The following CDH10 variants were observed in gnomAD, a reference collection of about 807,000 sequenced individuals.
The protein encoded by CDH10 is cadherin-10.
Under a neutral mutation model 73.1 loss-of-function variants are expected in CDH10, and 30 were observed. That is an observed-to-expected ratio of 0.41 (90% confidence interval 0.31 to 0.56). The LOEUF is 0.56. Among genes scored for constraint, CDH10 ranks in the 20% least tolerant of loss-of-function variants. CDH10 has a pLI of 0.27. For synonymous variants in CDH10, 345 were observed against 348.2 expected, an observed-to-expected ratio of 0.99 and a Z score of 0.10; for missense variants, 815 against 973.7, an observed-to-expected ratio of 0.84 and a Z score of 2.17.
chr5:24,622,865 G>A (rs183037038), intron 1 of CDH10, among the ~76,000 whole-genome samples: 115 of 152,094 alleles, frequency 7.6e-4, no homozygotes, highest in Non-Finnish European at 1.1e-3. Flanking sequence ...GTATCATTCC[G>A]TTTTGTAAAT....
At chr5:24,568,639 T>G (rs934212734) in intron 2 of CDH10, among the ~76,000 whole-genome samples, 8 of 152,244 alleles carry the variant, frequency 5.3e-5, no homozygotes, top group African/African-American at 1.9e-4. Flanking sequence ...GTAATTCCAC[T>G]TTTGGGTATA....
At chr5:24,637,485 A>T (rs1176437664) in intron 1 of CDH10, among the ~76,000 whole-genome samples, 1 of 152,048 alleles carries the variant, frequency 6.6e-6, no homozygotes, top group East Asian at 1.9e-4. Context: ...ATTATATTAC[A>T]TTTAATTATA....
intron 1 of CDH10, among the ~76,000 whole-genome samples, chr5:24,611,515 T>C (rs1746949960): frequency 6.6e-6 from 1 of 152,278 alleles, no homozygotes; most frequent in Non-Finnish European, 1.5e-5. Flanking sequence ...TTGTAAAATA[T>C]CGAAAAATAT....
chr5:24,532,610 A>G (rs1743789583), intron 5 of CDH10, among the ~76,000 whole-genome samples: 1 of 152,154 alleles, frequency 6.6e-6, no homozygotes, highest in East Asian at 1.9e-4. Flanking sequence ...ATGTAAGTTG[A>G]AAATACTTGA....
intron 1 of CDH10, among the ~76,000 whole-genome samples, chr5:24,624,519 T>C (rs902863897): frequency 3.3e-5 from 5 of 152,282 alleles, no homozygotes; most frequent in Admixed American, 2.6e-4. Context: ...AGTTTCCGTG[T>C]CAGAATATGA....
At chr5:24,588,199 A>C (rs1265322800) in intron 2 of CDH10, among the ~76,000 whole-genome samples, 1 of 152,198 alleles carries the variant, frequency 6.6e-6, no homozygotes, top group Non-Finnish European at 1.5e-5. Context: ...CATCAACCTG[A>C]TTAATGTTTT....
rs528683477 is a variant in CDH10, at chr5:24,608,533, C to T, written c.-123-14920G>A. On this transcript the variant is annotated intron_variant, in intron 1 of 11. Coordinates refer to ENST00000264463, the MANE Select transcript of CDH10 (RefSeq NM_006727.5). ...GTCTCAATCTCTTGACCTCATGATC[C>T]GCCCGTCTCGACCTCCCAAAGTGCC... 1.5e-4 allele frequency among the ~76,000 whole-genome samples: 23 copies of T among 152,158 alleles called. 1 individual carries two copies. The South Asian group carries it at 3.7e-3, about 25-fold the overall frequency.
At chr5:24,595,797 G>C (rs2112100946) in intron 1 of CDH10, among the ~76,000 whole-genome samples, 1 of 151,972 alleles carries the variant, frequency 6.6e-6, no homozygotes, top group East Asian at 1.9e-4. Context: ...ATGCATTGGT[G>C]ATCATTTTCA....
chr5:24,535,365 T>G (rs1477496988), intron 4 of CDH10, 86 bp from the exon 5 acceptor site: 15 of 1,293,196 alleles, frequency 1.2e-5, no homozygotes, highest in Non-Finnish European at 1.6e-5. Flanking sequence ...ATTTTTAAGC[T>G]AGTGATTTTT....
chr5:24,537,308 T>A, intron 3 of CDH10, 72 bp downstream of exon 3: 1 of 952,186 alleles, frequency 1.1e-6, no homozygotes, highest in South Asian at 1.6e-5. Flanking sequence ...TAATTGATTA[T>A]ACTATTATAA....
chr5:24,598,095 G>C (rs1746432445), intron 1 of CDH10, among the ~76,000 whole-genome samples: 2 of 151,882 alleles, frequency 1.3e-5, no homozygotes, highest in Non-Finnish European at 2.9e-5. Context: ...AAATTTTTCA[G>C]ATGTGTTTAT....
intron 1 of CDH10, among the ~76,000 whole-genome samples, chr5:24,605,153 C>T (rs182547097): frequency 8.5e-5 from 13 of 152,098 alleles, no homozygotes; most frequent in Admixed American, 5.2e-4. Flanking sequence ...AAATGAAGAC[C>T]GCAATGCACA....
rs563555960 is a variant in CDH10, at chr5:24,594,278, G to A, written c.-123-665C>T. Among the ~76,000 whole-genome samples, 20 of 152,018 alleles carry A rather than the reference G, an allele frequency of 1.3e-4. 1 individual carries two copies. The South Asian group carries it at 4.1e-3, about 31-fold the overall frequency. On this transcript the variant is annotated intron_variant, in intron 1 of 11. Coordinates refer to ENST00000264463, the MANE Select transcript of CDH10 (RefSeq NM_006727.5). ...TATAATTAAATCCAGCAGATAATCT[G>A]CTTCTAACTACCTCTACTGCCTGGT... is the stretch of plus-strand genomic sequence containing the variant.
chr5:24,549,352 T>C (rs907762391), intron 2 of CDH10, among the ~76,000 whole-genome samples: 3 of 151,938 alleles, frequency 2.0e-5, no homozygotes, highest in Admixed American at 1.3e-4. Context: ...ACACATTCAA[T>C]AAAATGGAAG....
At chr5:24,634,677 A>G (rs1016769516) in intron 1 of CDH10, among the ~76,000 whole-genome samples, 2 of 151,802 alleles carry the variant, frequency 1.3e-5, no homozygotes, top group African/African-American at 4.8e-5. Context: ...TATGCTCACC[A>G]AAGTATAACT....
chr5:24,534,732 C>T (rs1743881161), intron 5 of CDH10, among the ~76,000 whole-genome samples: 2 of 152,046 alleles, frequency 1.3e-5, no homozygotes, highest in South Asian at 4.2e-4. Context: ...TTTAGGTTCC[C>T]CTTTATTTAA....
intron 2 of CDH10, among the ~76,000 whole-genome samples, chr5:24,589,986 A>C (rs1173326456): frequency 6.6e-6 from 1 of 152,064 alleles, no homozygotes; most frequent in Non-Finnish European, 1.5e-5. Context: ...AGTATATAGG[A>C]AATACCTACA....
intron 1 of CDH10, among the ~76,000 whole-genome samples, chr5:24,626,028 A>G (rs1747485840): frequency 6.6e-6 from 1 of 152,140 alleles, no homozygotes; most frequent in Non-Finnish European, 1.5e-5. Flanking sequence ...ACACATGTAA[A>G]TTAAGCCTAA....
chr5:24,641,466 A>C (rs1036222336), intron 1 of CDH10, among the ~76,000 whole-genome samples: 5 of 152,016 alleles, frequency 3.3e-5, no homozygotes, highest in African/African-American at 1.2e-4. Flanking sequence ...ATTTTCTTTT[A>C]AATTTAGGAC....
Sources: allele counts gnomAD v4.1 joint callset (sites outside exome capture counted in the v4.1 genomes callset), GRCh38; gene constraint gnomAD v4.1.1; transcripts MANE v1.5; gene names NCBI Gene and HGNC (gene_info 2026-07-23, HGNC 2026-07-21).